Variants in DMD observed in about 807,000 individuals in gnomAD.
DMD encodes dystrophin.
In DMD, 63 loss-of-function variants were observed where a neutral mutation model predicts 330.1. The observed-to-expected ratio is 0.19, with a 90% CI of 0.16 to 0.24. DMD has a LOEUF of 0.24. Ranked by LOEUF, DMD falls within the 10% of genes least tolerant of loss-of-function variation. The pLI, the probability that DMD is intolerant of heterozygous loss-of-function variation, is 1.00. For synonymous variants in DMD, 1,223 were observed against 959.8 expected (o/e 1.27, Z -5.07); for missense variants, 3,344 against 2,684.1 (o/e 1.25, Z -5.43).
chrX:31,871,311 G>A (rs2093885829), intron 48 of DMD, among the ~76,000 whole-genome samples: 1 of 110,864 alleles, frequency 9.0e-6, no homozygotes, highest in African/African-American at 3.3e-5. Context: ...GGAATATTTC[G>A]GGAGTAAATT....
rs150482463 is a variant in DMD, at chrX:33,112,731, T to C, written c.32-92531A>G. Among the ~76,000 whole-genome samples, 63 of 110,909 alleles carry C rather than the reference T, an allele frequency of 5.7e-4. No homozygotes were observed. In the East Asian group the frequency reaches 0.017, roughly 30 times the overall value. On this transcript the variant is annotated intron_variant, in intron 1 of 78. Coordinates refer to ENST00000357033, the MANE Select transcript of DMD (RefSeq NM_004006.3). ...CTCTTCCTCATAAGATATTAATATA[T>C]TCACTATATGAAATTAACTAATTGC... is the stretch of plus-strand genomic sequence containing the variant.
intron 9 of DMD, among the ~76,000 whole-genome samples, chrX:32,654,040 T>G (rs568289887): frequency 2.9e-4 from 33 of 112,060 alleles, no homozygotes; most frequent in South Asian, 1.1e-3. Context: ...TCAGCTTAAG[T>G]AGATTTTGGG....
chrX:31,634,337 G>A (rs2079287969), intron 54 of DMD, among the ~76,000 whole-genome samples: 1 of 111,733 alleles, frequency 8.9e-6, no homozygotes, highest in African/African-American at 3.2e-5. Context: ...ACTCTCCAGA[G>A]TTAATTGGAA....
chrX:31,553,860 G>C (rs2074641639), intron 55 of DMD, among the ~76,000 whole-genome samples: 1 of 112,685 alleles, frequency 8.9e-6, no homozygotes, highest in Non-Finnish European at 1.9e-5. Flanking sequence ...GTAAAGAAAA[G>C]ACAATGTTTT....
chrX:32,354,934 G>A (rs926087001), intron 37 of DMD, among the ~76,000 whole-genome samples: 2 of 111,189 alleles, frequency 1.8e-5, no homozygotes, highest in Non-Finnish European at 3.8e-5. Flanking sequence ...ATGACTTTTT[G>A]GAGTAGGAAA....
intron 2 of DMD, among the ~76,000 whole-genome samples, chrX:32,891,855 TC>T (rs1460963799): frequency 4.5e-5 from 5 of 111,666 alleles, no homozygotes; most frequent in African/African-American, 1.6e-4. Context: ...GATTTGAGGT[TC>T]CTCAAATCAT....
chrX:32,238,561 T>C (rs1569552527), intron 43 of DMD, among the ~76,000 whole-genome samples: 1 of 111,365 alleles, frequency 9.0e-6, no homozygotes, highest in South Asian at 3.8e-4. Flanking sequence ...GGAAATGACA[T>C]ATCATCACAA....
intron 2 of DMD, among the ~76,000 whole-genome samples, chrX:32,982,931 G>C (rs1375796786): frequency 8.9e-6 from 1 of 112,153 alleles, no homozygotes; most frequent in Non-Finnish European, 1.9e-5. Flanking sequence ...AAGGAGTAAA[G>C]GATGTTCCAT....
intron 9 of DMD, among the ~76,000 whole-genome samples, chrX:32,692,631 C>T (rs2063359700): frequency 8.9e-6 from 1 of 111,855 alleles, no homozygotes; most frequent in Non-Finnish European, 1.9e-5. Flanking sequence ...CTGCATGGTT[C>T]CAAGATTGTT....
At chrX:33,255,415 C>A (rs1181622230) in intron 1 of DMD, among the ~76,000 whole-genome samples, 1 of 110,875 alleles carries the variant, frequency 9.0e-6, no homozygotes, top group Non-Finnish European at 1.9e-5. Context: ...GAAAGGTACT[C>A]CAGAAATGTT....
chrX:31,506,177 T>C (rs2070927924), intron 56 of DMD, among the ~76,000 whole-genome samples: 1 of 111,891 alleles, frequency 8.9e-6, no homozygotes, highest in African/African-American at 3.3e-5. Context: ...ATGCAGACAT[T>C]TACAATAGTG....
In DMD at chrX:32,557,959, T is replaced by C. The variant is rs185936400; in HGVS notation, c.1992+7743A>G. Among the ~76,000 whole-genome samples, 1,079 of 110,047 alleles carry C rather than the reference T, an allele frequency of 9.8e-3. 9 individuals are homozygous for C. Among genetic ancestry groups the C allele is most frequent in the African/African-American group, 0.033 (1,002 of 30,478 alleles). On this transcript the variant is annotated intron_variant, in intron 16 of 78. Coordinates refer to ENST00000357033, the MANE Select transcript of DMD (RefSeq NM_004006.3). Reference sequence around the variant, plus strand: ...AATAATTTAATAATAATTTAATTTATATTAATAATTAATTTATTACTGTAA... The same window carrying C: ...AATAATTTAATAATAATTTAATTTACATTAATAATTAATTTATTACTGTAA...
chrX:32,631,728 C>T (rs986442716), intron 11 of DMD, among the ~76,000 whole-genome samples: 10 of 111,058 alleles, frequency 9.0e-5, no homozygotes, highest in African/African-American at 3.3e-4. Flanking sequence ...CTGGATCTGA[C>T]AAGAATTCAC....
At position 32,504,926 on chromosome X, in the gene DMD, AC is replaced by A. The variant is rs1312838316; in HGVS notation, c.2293-3085del. On this transcript the variant is annotated intron_variant, in intron 18 of 78. Transcript: ENST00000357033. ...TAAAATAAAAATGAAAAATAAACAT[AC>A]CAAAAATAAATACATTTCCACTGAA... is the stretch of plus-strand genomic sequence containing the variant. 8.9e-5 allele frequency among the ~76,000 whole-genome samples: 10 copies of A among 112,151 alleles called. 1 individual carries two copies. In the East Asian group the frequency reaches 2.8e-3, roughly 31 times the overall value.
chrX:32,437,083 A>G (rs2098264211), intron 29 of DMD, among the ~76,000 whole-genome samples: 1 of 112,275 alleles, frequency 8.9e-6, no homozygotes, highest in African/African-American at 3.2e-5. Context: ...ACACATTCCA[A>G]TTCCATATCA....
At chrX:31,906,357 A>G (rs1031072025) in intron 47 of DMD, among the ~76,000 whole-genome samples, 1 of 112,116 alleles carries the variant, frequency 8.9e-6, no homozygotes, top group African/African-American at 3.2e-5. Flanking sequence ...TTCATTCCAT[A>G]CAACACCAAC....
Position 32,343,177 on chromosome X carries a change from T to G in DMD, c.5696A>C (p.Lys1899Thr), listed in dbSNP as rs958950796. ...TCTGGGCTCAGGTAGGCTGGCTAAT[T>G]TTTTTTCAATGTCATCCAAGCATTT... ...LLKCLDDIEK[K>T]LASLPEPRDE... is the part of the protein sequence containing the mutation. The change falls in exon 40 of 79, where the codon AAA becomes ACA. Residue 1899 changes from lysine to threonine, a missense_variant. Transcript: ENST00000357033. 8.3e-7 allele frequency: 1 copy of G among 1,208,968 alleles called. No individual in the cohort carries two copies. The highest frequency in any genetic ancestry group is 1.8e-5 in the African/African-American group (1 of 57,085).
intron 2 of DMD, among the ~76,000 whole-genome samples, chrX:32,899,425 C>T (rs2086026106): frequency 9.0e-6 from 1 of 110,715 alleles, no homozygotes; most frequent in South Asian, 3.8e-4. Context: ...CCTGCAATCA[C>T]AGCACTTTGG....
intron 61 of DMD, among the ~76,000 whole-genome samples, chrX:31,341,891 G>GCGCGCGCGCGCACACACACACA (rs374298104): frequency 1.1e-3 from 107 of 98,885 alleles, no homozygotes; most frequent in Middle Eastern, 0.011. Flanking sequence ...GTGCGCGCGC[G>GCGCGCGCGCGCACACACACACA]CACACACACA....
Sources: gnomAD v4.1 joint callset for allele counts (sites outside exome capture counted in the v4.1 genomes callset) on GRCh38, gnomAD v4.1.1 for gene constraint, MANE v1.5 for transcripts, NCBI Gene and HGNC (gene_info 2026-07-23, HGNC 2026-07-21) for gene names.